RPTOR: variants seen among roughly 807,000 people sequenced by gnomAD.
RPTOR encodes regulatory-associated protein of mTOR.
A neutral mutation model predicts 169.9 loss-of-function variants in RPTOR; 21 were observed. That is an observed-to-expected ratio of 0.12 (90% CI 0.09 to 0.18). The LOEUF (loss-of-function observed/expected upper bound fraction) is 0.18, where lower values mean the gene tolerates loss of function less well. RPTOR is among the 10% of genes least tolerant of loss of function. The probability of loss-of-function intolerance (pLI) is 1.00; values close to 1 mark genes in which losing one functional copy is unlikely to be tolerated. For synonymous variants in RPTOR, 732 were observed against 753.2 expected (o/e 0.97, Z 0.46); for missense variants, 1,133 against 1,855.9 (o/e 0.61, Z 7.16).
chr17:80,769,069 G>A (rs763091244), intron 6 of RPTOR, among the ~76,000 whole-genome samples: 1 of 152,172 alleles, frequency 6.6e-6, no homozygotes, highest in Non-Finnish European at 1.5e-5. Context: ...CGCCAGAACC[G>A]TGCTGTCACA....
intron 1 of RPTOR, among the ~76,000 whole-genome samples, chr17:80,551,633 A>G (rs1161191736): frequency 6.6e-6 from 1 of 152,186 alleles, no homozygotes; most frequent in Non-Finnish European, 1.5e-5. Context: ...GGAACGTACA[A>G]TCGGGTTTTA....
At position 80,590,736 on chromosome 17, in the gene RPTOR, G is replaced by A. The variant is rs368880529; in HGVS notation, c.163-34955G>A. Among the ~76,000 whole-genome samples, 5 of 152,230 alleles carry A rather than the reference G, an allele frequency of 3.3e-5. No homozygotes were observed. The East Asian group carries it at 5.8e-4, about 18-fold the overall frequency. On this transcript the variant is annotated intron_variant, in intron 1 of 33. Transcript: ENST00000306801. ...TTTCTGGGTTTGGTTTAATATTTTT[G>A]TAACTCTTTTTTTAAAGTAAGTGAC... is the stretch of plus-strand genomic sequence containing the variant.
chr17:80,692,048 C>T (rs117486359), intron 3 of RPTOR, among the ~76,000 whole-genome samples: 4,170 of 152,292 alleles, frequency 0.027, 92 homozygotes, highest in South Asian at 0.062. Context: ...GAGGCATAGC[C>T]GCTGCTGAGG....
intron 6 of RPTOR, among the ~76,000 whole-genome samples, chr17:80,756,201 G>C (rs552846925): frequency 4.6e-5 from 7 of 152,304 alleles, no homozygotes; most frequent in South Asian, 2.1e-4. Flanking sequence ...GTGAGAGCAG[G>C]TTGTGATAAA....
chr17:80,586,985 C>G (rs1202645052), intron 1 of RPTOR, among the ~76,000 whole-genome samples: 1 of 152,234 alleles, frequency 6.6e-6, no homozygotes, highest in African/African-American at 2.4e-5. Flanking sequence ...ACGAGCCGGT[C>G]ATGGGCCACG....
intron 1 of RPTOR, among the ~76,000 whole-genome samples, chr17:80,549,614 A>G (rs1314011380): frequency 6.6e-6 from 1 of 152,202 alleles, no homozygotes; most frequent in Admixed American, 6.5e-5. Context: ...TGCCTGGTCT[A>G]ACTGTGATAC....
intron 21 of RPTOR, among the ~76,000 whole-genome samples, chr17:80,910,337 C>A (rs891612565): frequency 5.3e-5 from 8 of 152,124 alleles, no homozygotes; most frequent in Non-Finnish European, 1.5e-5. Flanking sequence ...CAATTGTTTA[C>A]GGTATTTGTC....
At chr17:80,753,195 G>A (rs2066646024) in intron 5 of RPTOR, among the ~76,000 whole-genome samples, 1 of 152,184 alleles carries the variant, frequency 6.6e-6, no homozygotes, top group African/African-American at 2.4e-5. Flanking sequence ...CTGTTTTTCA[G>A]TCTCTTTTGA....
chr17:80,885,666 C>T (rs1476375260), intron 17 of RPTOR, among the ~76,000 whole-genome samples: 1 of 152,112 alleles, frequency 6.6e-6, no homozygotes, highest in African/African-American at 2.4e-5. Context: ...CTCAGCCTCC[C>T]GAGTAACTGG....
At chr17:80,963,096 TG>T in intron 33 of RPTOR, 39 bp downstream of exon 33, 1 of 45,606 alleles carries the variant, frequency 2.2e-5, no homozygotes. Flanking sequence ...GGTCGGGGGC[TG>T]GGGTAGAGGG....
At chr17:80,649,875 G>C (rs916273764) in intron 3 of RPTOR, among the ~76,000 whole-genome samples, 1 of 152,122 alleles carries the variant, frequency 6.6e-6, no homozygotes, top group African/African-American at 2.4e-5. Flanking sequence ...AGAAGCCTTC[G>C]TAGTCAGCCC....
chr17:80,552,503 T>A (rs2084357893), intron 1 of RPTOR, among the ~76,000 whole-genome samples: 1 of 152,196 alleles, frequency 6.6e-6, no homozygotes, highest in African/African-American at 2.4e-5. Context: ...CCCTACTTCC[T>A]CCTGGAGATG....
At chr17:80,771,804 G>A (rs1001093363) in intron 6 of RPTOR, among the ~76,000 whole-genome samples, 1 of 152,140 alleles carries the variant, frequency 6.6e-6, no homozygotes, top group Non-Finnish European at 1.5e-5. Flanking sequence ...CCTCGCCCCC[G>A]ATATGGGGGA....
At chr17:80,824,294 C>T (rs1341476212) in intron 9 of RPTOR, among the ~76,000 whole-genome samples, 2 of 151,972 alleles carry the variant, frequency 1.3e-5, no homozygotes, top group African/African-American at 4.8e-5. Flanking sequence ...AATAGAGAAC[C>T]CTGATAAGGA....
intron 20 of RPTOR, among the ~76,000 whole-genome samples, chr17:80,902,239 G>C (rs1212886555): frequency 2.0e-5 from 3 of 152,182 alleles, no homozygotes; most frequent in African/African-American, 7.2e-5. Flanking sequence ...CACCCTCCAG[G>C]TGAAGCCTTC....
chr17:80,808,580 G>A (rs2067242298), intron 7 of RPTOR, among the ~76,000 whole-genome samples: 1 of 152,196 alleles, frequency 6.6e-6, no homozygotes, highest in African/African-American at 2.4e-5. Context: ...CACTTGAGCT[G>A]TACAACTGAT....
rs376262759 is a variant in RPTOR at position 80,639,360 on chromosome 17, A to G, written c.266-4368A>G. Among the ~76,000 whole-genome samples the G allele has an allele frequency of 7.9e-5, 12 of 151,990 alleles. No homozygotes were observed. In the East Asian group the frequency reaches 2.3e-3, roughly 29 times the overall value. ...AGATTGTCCGAGCAGTGAGTGCTGGATGGGGCTTTCAGTGTGAACTTTTCA... is the reference window on the plus strand; with the variant it reads ...AGATTGTCCGAGCAGTGAGTGCTGGGTGGGGCTTTCAGTGTGAACTTTTCA... On this transcript the variant is annotated intron_variant, in intron 2 of 33. Transcript: ENST00000306801.
At chr17:80,582,461 G>A (rs1311990540) in intron 1 of RPTOR, among the ~76,000 whole-genome samples, 6 of 151,954 alleles carry the variant, frequency 3.9e-5, no homozygotes, top group Admixed American at 2.0e-4. Flanking sequence ...TGAGCTGCAC[G>A]GCCCTCTCTG....
intron 6 of RPTOR, among the ~76,000 whole-genome samples, chr17:80,781,088 A>G (rs1319809028): frequency 6.6e-6 from 1 of 152,162 alleles, no homozygotes; most frequent in Non-Finnish European, 1.5e-5. Context: ...TCTCCCCTCC[A>G]GGGCAGGAAG....
Sources: allele counts gnomAD v4.1 joint callset (sites outside exome capture counted in the v4.1 genomes callset), GRCh38; gene constraint gnomAD v4.1.1; transcripts MANE v1.5; gene names NCBI Gene and HGNC (gene_info 2026-07-23, HGNC 2026-07-21).